Variants in TGFBR3 observed in about 807,000 individuals in gnomAD.
The protein encoded by TGFBR3 is transforming growth factor beta receptor 3.
In TGFBR3, 46 loss-of-function variants were observed where a neutral mutation model predicts 87.9. The ratio of observed to expected loss-of-function variants is 0.52; its 90% CI spans 0.41 to 0.67. The LOEUF is 0.67. Ranked by LOEUF, TGFBR3 falls within the 30% of genes least tolerant of loss-of-function variation. The pLI is 0.00. For synonymous variants in TGFBR3, 381 were observed against 391.6 expected (o/e 0.97, Z 0.32); for missense variants, 866 against 1,041.9 (o/e 0.83, Z 2.32).
chr1:91,863,591 G>A (rs1005306776), intron 1 of TGFBR3, among the ~76,000 whole-genome samples: 1 of 152,136 alleles, frequency 6.6e-6, no homozygotes, highest in Non-Finnish European at 1.5e-5. Flanking sequence ...CCAATAAAGT[G>A]GAGAAATTAA....
intron 16 of TGFBR3, among the ~76,000 whole-genome samples, chr1:91,687,186 G>A (rs903791958): frequency 1.3e-5 from 2 of 152,144 alleles, no homozygotes; most frequent in African/African-American, 2.4e-5. Flanking sequence ...AACAAAGCCA[G>A]GTGCAGTCAC....
chr1:91,739,664 G>GT (rs1332130565), intron 4 of TGFBR3, among the ~76,000 whole-genome samples: 2 of 152,086 alleles, frequency 1.3e-5, no homozygotes, highest in African/African-American at 4.8e-5. Flanking sequence ...CCTCATCTTT[G>GT]TAAGGGCATC....
intron 5 of TGFBR3, among the ~76,000 whole-genome samples, chr1:91,732,665 C>G (rs1672816354): frequency 6.6e-6 from 1 of 152,192 alleles, no homozygotes. Flanking sequence ...CCTACTGCTC[C>G]TCTCTCCACG....
At chr1:91,838,458 CTTTTTTT>C (rs539093148) in intron 2 of TGFBR3, among the ~76,000 whole-genome samples, 2 of 125,274 alleles carry the variant, frequency 1.6e-5, no homozygotes, top group African/African-American at 6.3e-5. Flanking sequence ...TTGGAAATCT[CTTTTTTT>C]TTTTTTTTTT....
At chr1:91,780,662 C>T (rs182461894) in intron 3 of TGFBR3, among the ~76,000 whole-genome samples, 2 of 148,286 alleles carry the variant, frequency 1.3e-5, no homozygotes, top group South Asian at 2.1e-4. Flanking sequence ...CGGGCTCAAG[C>T]GATTCTCCTG....
chr1:91,873,988 C>A (rs1368138854), intron 1 of TGFBR3, among the ~76,000 whole-genome samples: 5 of 151,940 alleles, frequency 3.3e-5, no homozygotes, highest in African/African-American at 1.2e-4. Context: ...GCTTCTTATT[C>A]ATTTAATAAT....
chr1:91,841,829 G>C (rs1046981802), intron 2 of TGFBR3, among the ~76,000 whole-genome samples: 15 of 149,670 alleles, frequency 1.0e-4, no homozygotes, highest in African/African-American at 3.4e-4. Flanking sequence ...TTTAGGCCAG[G>C]TGGAGTGGCT....
chr1:91,722,154 T>C lies in TGFBR3; in HGVS notation c.886-10A>G, dbSNP rs193292303. ...CAATACTGTTAGGAGCCTGAAGATA[T>C]AGCAAAAAAATCACTCATGAGTCTA... On this transcript the variant is annotated splice_polypyrimidine_tract_variant and intron_variant, in intron 7 of 16. Coordinates refer to ENST00000212355, the MANE Select transcript of TGFBR3 (RefSeq NM_003243.5). 4.3e-6 allele frequency: 7 copies of C among 1,612,848 alleles called. No individual in the cohort carries two copies. The Admixed American group carries it at 5.0e-5, about 12-fold the overall frequency.
intron 2 of TGFBR3, among the ~76,000 whole-genome samples, chr1:91,850,806 A>T (rs1019228022): frequency 6.8e-6 from 1 of 146,866 alleles, no homozygotes; most frequent in Non-Finnish European, 1.5e-5. Context: ...AAAAAAAAAA[A>T]TGCAGAGCAG....
intron 1 of TGFBR3, among the ~76,000 whole-genome samples, chr1:91,880,552 C>T (rs186229452): frequency 1.5e-3 from 235 of 152,048 alleles, no homozygotes; most frequent in African/African-American, 5.6e-3. Context: ...GAGCCGAGAT[C>T]GCGCCACTGC....
intron 1 of TGFBR3, among the ~76,000 whole-genome samples, chr1:91,868,826 A>G (rs1488361080): frequency 6.6e-6 from 1 of 152,192 alleles, no homozygotes; most frequent in African/African-American, 2.4e-5. Context: ...TCTACAAAAA[A>G]TTTAAAAGTG....
Position 91,756,160 on chromosome 1 carries a change from C to T in TGFBR3, c.384+2453G>A, listed in dbSNP as rs139000724. Among the ~76,000 whole-genome samples, 398 of 152,268 alleles carry T rather than the reference C, an allele frequency of 2.6e-3. 4 individuals are homozygous for T. Among genetic ancestry groups the T allele is most frequent in the East Asian group, 5.6e-3 (29 of 5,186 alleles). Reference sequence around the variant, plus strand: ...CCTGCCCACTGTGGTAGCCACTAGCCTCACATAGCTACTAAGCACCTGAAA... The same window carrying T: ...CCTGCCCACTGTGGTAGCCACTAGCTTCACATAGCTACTAAGCACCTGAAA... On this transcript the variant is annotated intron_variant, in intron 4 of 16. Transcript: ENST00000212355.
intron 2 of TGFBR3, among the ~76,000 whole-genome samples, chr1:91,824,986 C>T (rs1447556716): frequency 2.0e-5 from 3 of 152,118 alleles, no homozygotes; most frequent in Non-Finnish European, 4.4e-5. Context: ...AATAATGCAA[C>T]CACTTTGAAA....
At chr1:91,820,558 C>T (rs888595914) in intron 2 of TGFBR3, among the ~76,000 whole-genome samples, 22 of 152,098 alleles carry the variant, frequency 1.4e-4, no homozygotes, top group African/African-American at 4.3e-4. Flanking sequence ...GGGTGGCGGG[C>T]ACCTGTAGTC....
At chr1:91,858,448 C>T (rs909281020) in intron 2 of TGFBR3, among the ~76,000 whole-genome samples, 8 of 151,942 alleles carry the variant, frequency 5.3e-5, no homozygotes, top group African/African-American at 1.2e-4. Context: ...AACCCCATCT[C>T]TACTAAAATA....
intron 2 of TGFBR3, among the ~76,000 whole-genome samples, chr1:91,818,393 T>C (rs1396502695): frequency 6.6e-6 from 1 of 151,472 alleles, no homozygotes; most frequent in African/African-American, 2.4e-5. Flanking sequence ...ACATGCCTCA[T>C]TGTTTTCTAT....
At position 91,861,593 on chromosome 1, in the gene TGFBR3, C is replaced by G. The variant is rs541690091; in HGVS notation, c.-62G>C. 1 of 1,345,956 alleles carries G rather than the reference C, an allele frequency of 7.4e-7. No individual in the cohort carries two copies. The highest frequency in any genetic ancestry group is 1.4e-5 in the African/African-American group (1 of 69,664). The allele number at this position is 1,345,956 out of a possible 1,614,324, so 83.4% of individuals were successfully genotyped here. A position where few individuals can be genotyped will look rare whatever the true frequency, so the allele number is the denominator to read the frequency against. ...TCAGCCTGCTCAGAGCACAGACAATCTTTGCAAATCAGAAGTAGTCTTAAA... is the reference window on the plus strand; with the variant it reads ...TCAGCCTGCTCAGAGCACAGACAATGTTTGCAAATCAGAAGTAGTCTTAAA... On this transcript the variant is annotated 5_prime_UTR_variant, in exon 2 of 17. Transcript: ENST00000212355.
At chr1:91,794,221 T>C (rs1398101563) in intron 3 of TGFBR3, among the ~76,000 whole-genome samples, 1 of 152,126 alleles carries the variant, frequency 6.6e-6, no homozygotes, top group Non-Finnish European at 1.5e-5. Context: ...TTTTTGTTGT[T>C]GAGATGGAGT....
chr1:91,724,904 A>G (rs1185997938), intron 7 of TGFBR3, among the ~76,000 whole-genome samples: 1 of 152,220 alleles, frequency 6.6e-6, no homozygotes, highest in Non-Finnish European at 1.5e-5. Flanking sequence ...GAATGGCCAG[A>G]GAGCGTAGTG....
Sources: gnomAD v4.1 joint callset for allele counts (sites outside exome capture counted in the v4.1 genomes callset) on GRCh38, gnomAD v4.1.1 for gene constraint, MANE v1.5 for transcripts, NCBI Gene and HGNC (gene_info 2026-07-23, HGNC 2026-07-21) for gene names.